Variants in ANGPT1 observed in about 807,000 individuals in gnomAD.
The protein encoded by ANGPT1 is angiopoietin 1.
In ANGPT1, 17 loss-of-function variants were observed where a neutral mutation model predicts 62.2. The ratio of observed to expected loss-of-function variants is 0.27; its 90% CI spans 0.19 to 0.41. The LOEUF is 0.41. ANGPT1 is among the 10% of genes least tolerant of loss of function. The pLI is 1.00. For synonymous variants in ANGPT1, 199 were observed against 198.9 expected (o/e 1.00, Z 0.00); for missense variants, 478 against 594.9 (o/e 0.80, Z 2.04).
At chr8:107,299,809 T>C (rs1171183087) in intron 5 of ANGPT1, among the ~76,000 whole-genome samples, 6 of 100,092 alleles carry the variant, frequency 6.0e-5, no homozygotes, top group Non-Finnish European at 2.0e-5. Flanking sequence ...TATCTAGATA[T>C]ACTATATATC....
At chr8:107,294,247 T>C in intron 5 of ANGPT1, 1 of 403,026 alleles carries the variant, frequency 2.5e-6, no homozygotes, top group Non-Finnish European at 4.4e-6. Flanking sequence ...CCATCAATGA[T>C]GAATAAATTA....
At chr8:107,422,312 G>T (rs1264639071) in intron 1 of ANGPT1, among the ~76,000 whole-genome samples, 1 of 152,044 alleles carries the variant, frequency 6.6e-6, no homozygotes, top group Non-Finnish European at 1.5e-5. Flanking sequence ...GAAAACCAGG[G>T]ATCAGAGAGT....
chr8:107,290,496 G>C, intron 6 of ANGPT1, among the ~76,000 whole-genome samples: 1 of 152,108 alleles, frequency 6.6e-6, no homozygotes, highest in East Asian at 1.9e-4. Context: ...ATAAGAACTG[G>C]CATAAGGAGT....
intron 1 of ANGPT1, among the ~76,000 whole-genome samples, chr8:107,452,866 T>C (rs2130458213): frequency 6.6e-6 from 1 of 152,178 alleles, no homozygotes; most frequent in South Asian, 2.1e-4. Context: ...TTGCTTAGTC[T>C]TCCTCATGGA....
chr8:107,253,990 T>A (rs2514865), intron 8 of ANGPT1, among the ~76,000 whole-genome samples: 132,820 of 152,160 alleles, frequency 0.87, 58,015 homozygotes, highest in Middle Eastern at 0.9. Flanking sequence ...TGAAGCTAAG[T>A]GGGTCTGAAG....
intron 1 of ANGPT1, among the ~76,000 whole-genome samples, chr8:107,386,006 C>T (rs759734766): frequency 6.6e-6 from 1 of 151,700 alleles, no homozygotes; most frequent in Non-Finnish European, 1.5e-5. Context: ...TTAGCTTTAA[C>T]GGTGGACTGA....
At chr8:107,494,063 T>A (rs1813032544) in intron 1 of ANGPT1, among the ~76,000 whole-genome samples, 1 of 136,958 alleles carries the variant, frequency 7.3e-6, no homozygotes, top group African/African-American at 2.7e-5. Context: ...AAAATATGTA[T>A]AGCAAATAGA....
intron 3 of ANGPT1, 132 bp from the exon 4 acceptor site, chr8:107,322,260 G>A (rs1467283741): frequency 1.5e-6 from 1 of 670,034 alleles, no homozygotes. Flanking sequence ...TTTTAAGTGA[G>A]AGACTTAAGA....
chr8:107,353,422 C>A (rs1815974386), intron 1 of ANGPT1, among the ~76,000 whole-genome samples: 1 of 152,180 alleles, frequency 6.6e-6, no homozygotes, highest in Admixed American at 6.5e-5. Flanking sequence ...CCCCACATTT[C>A]TTTCCCAATT....
chr8:107,273,926 T>TAA (rs76777380), intron 7 of ANGPT1, among the ~76,000 whole-genome samples: 11 of 129,288 alleles, frequency 8.5e-5, no homozygotes, highest in Non-Finnish European at 1.5e-4. Context: ...GCTTCATCAT[T>TAA]AAAAAAAAAA....
At chr8:107,306,940 G>T (rs1814732445) in intron 4 of ANGPT1, among the ~76,000 whole-genome samples, 1 of 151,900 alleles carries the variant, frequency 6.6e-6, no homozygotes, top group Admixed American at 6.6e-5. Flanking sequence ...AGTAAAAGAA[G>T]CATCACCGAA....
intron 1 of ANGPT1, among the ~76,000 whole-genome samples, chr8:107,388,963 A>T (rs1231903211): frequency 1.3e-5 from 2 of 152,170 alleles, no homozygotes; most frequent in African/African-American, 2.4e-5. Context: ...TAATTTGAAG[A>T]TCTATGGCTA....
chr8:107,365,123 A>C (rs1207702691), intron 1 of ANGPT1, among the ~76,000 whole-genome samples: 1 of 152,224 alleles, frequency 6.6e-6, no homozygotes, highest in East Asian at 1.9e-4. Flanking sequence ...GCAAGCATTT[A>C]AGGTTTTTAT....
chr8:107,408,008 A>G (rs966158585), intron 1 of ANGPT1, among the ~76,000 whole-genome samples: 2 of 152,206 alleles, frequency 1.3e-5, no homozygotes, highest in East Asian at 3.9e-4. Context: ...CGAATTTGGT[A>G]AGCACTGGCA....
chr8:107,497,552 C>T lies in ANGPT1; in HGVS notation c.7G>A (p.Val3Ile). The T allele has an allele frequency of 6.2e-7, 1 of 1,613,642 alleles. No individual in the cohort carries two copies. Among genetic ancestry groups the T allele is most frequent in the East Asian group, 2.2e-5 (1 of 44,806 alleles). The change falls in exon 1 of 9, where the codon GTT becomes ATT. Residue 3 changes from valine to isoleucine, a missense_variant. By Grantham distance (29) the Val-to-Ile change is conservative (BLOSUM62 3). This residue lies in a region of ANGPT1 where 343 missense variants were observed against 355.4 expected (regional missense o/e 0.97). Coordinates refer to ENST00000517746, the MANE Select transcript of ANGPT1 (RefSeq NM_001146.5). ...GCGAGGAAAGCAAAGGAAAGGAAAA[C>T]TGTCATTGTACTGCCAGCACACTCC... MT[V>I]FLSFAFLAAI... is the part of the protein sequence containing the mutation.
At chr8:107,304,448 T>C (rs1193337946) in intron 4 of ANGPT1, among the ~76,000 whole-genome samples, 5 of 151,756 alleles carry the variant, frequency 3.3e-5, no homozygotes, top group South Asian at 2.1e-4. Flanking sequence ...TCAATAAATA[T>C]CTGCATTCAA....
intron 1 of ANGPT1, among the ~76,000 whole-genome samples, chr8:107,416,537 GT>G (rs1810751413): frequency 6.6e-6 from 1 of 152,148 alleles, no homozygotes; most frequent in African/African-American, 2.4e-5. Context: ...CTGTCCAGAA[GT>G]TCTCCGTACC....
chr8:107,312,672 C>G (rs1814903827), intron 4 of ANGPT1, among the ~76,000 whole-genome samples: 1 of 152,130 alleles, frequency 6.6e-6, no homozygotes, highest in Non-Finnish European at 1.5e-5. Context: ...CAGGGCTTCA[C>G]CGGTTATTAG....
chr8:107,260,578 C>CCTAA (rs1226812070), intron 8 of ANGPT1, among the ~76,000 whole-genome samples: 1 of 152,066 alleles, frequency 6.6e-6, no homozygotes, highest in Non-Finnish European at 1.5e-5. Context: ...CTAAGTAGGA[C>CCTAA]CTAAGTTCCA....
Sources: gnomAD v4.1 joint callset for allele counts (sites outside exome capture counted in the v4.1 genomes callset) on GRCh38, gnomAD v4.1.1 for gene constraint, gnomAD v4.1.1 regional missense constraint, MANE v1.5 for transcripts, NCBI Gene and HGNC (gene_info 2026-07-23, HGNC 2026-07-21) for gene names.